The following KIAA0825 variants were observed in gnomAD, a reference collection of about 807,000 sequenced individuals.
KIAA0825 encodes the protein KIAA0825.
A neutral mutation model predicts 147.6 loss-of-function variants in KIAA0825; 119 were observed. The observed-to-expected ratio is 0.81, with a 90% CI of 0.69 to 0.94. The LOEUF is 0.94. KIAA0825 is among the 40% of genes least tolerant of loss of function. The pLI is 0.00. For missense variants in KIAA0825, 1,381 were observed against 1,472.7 expected (o/e 0.94, Z 1.02); for synonymous variants, 470 against 518.1 (o/e 0.91, Z 1.26).
intron 20 of KIAA0825, among the ~76,000 whole-genome samples, chr5:94,369,278 T>A (rs530474556): frequency 6.6e-6 from 1 of 152,302 alleles, no homozygotes; most frequent in East Asian, 1.9e-4. Context: ...GGCACAGATT[T>A]AGAGGTGGGC....
At chr5:94,290,903 A>G (rs1459119686) in intron 20 of KIAA0825, among the ~76,000 whole-genome samples, 1 of 151,770 alleles carries the variant, frequency 6.6e-6, no homozygotes, top group Non-Finnish European at 1.5e-5. Context: ...GCTTTTTTTC[A>G]TATGTTTCTT....
chr5:94,576,240 C>T (rs1781011245), intron 2 of KIAA0825, among the ~76,000 whole-genome samples: 1 of 152,084 alleles, frequency 6.6e-6, no homozygotes, highest in Non-Finnish European at 1.5e-5. Flanking sequence ...AGAGAATCAA[C>T]ATTTATAGCA....
At chr5:94,415,228 G>C (rs1439564554) in intron 15 of KIAA0825, 1 of 152,188 alleles carries the variant, frequency 6.6e-6, no homozygotes, top group African/African-American at 2.4e-5. Flanking sequence ...ATCATAGACA[G>C]TGATTTAGCA....
intron 2 of KIAA0825, among the ~76,000 whole-genome samples, chr5:94,572,689 G>A (rs1780204699): frequency 6.6e-6 from 1 of 151,898 alleles, no homozygotes; most frequent in Non-Finnish European, 1.5e-5. Flanking sequence ...CATAATACAG[G>A]ATATTTTTGA....
intron 20 of KIAA0825, among the ~76,000 whole-genome samples, chr5:94,179,991 C>T (rs1011420703): frequency 3.3e-5 from 5 of 151,952 alleles, no homozygotes; most frequent in Non-Finnish European, 7.4e-5. Flanking sequence ...AATTGCCACA[C>T]AATGGATGCA....
chr5:94,187,674 C>A (rs566950904), intron 20 of KIAA0825, among the ~76,000 whole-genome samples: 1 of 152,018 alleles, frequency 6.6e-6, no homozygotes, highest in Non-Finnish European at 1.5e-5. Flanking sequence ...ATCCGCCCAC[C>A]TCGGCCTCCC....
intron 1 of KIAA0825, among the ~76,000 whole-genome samples, chr5:94,604,120 T>C (rs1787035634): frequency 6.6e-6 from 1 of 152,178 alleles, no homozygotes; most frequent in Admixed American, 6.5e-5. Context: ...CACAACAGAA[T>C]CATACATTCT....
At chr5:94,515,151 T>C (rs1173168793) in intron 5 of KIAA0825, among the ~76,000 whole-genome samples, 1 of 152,226 alleles carries the variant, frequency 6.6e-6, no homozygotes, top group Admixed American at 6.5e-5. Flanking sequence ...ATTTATTATA[T>C]GTAAATAATC....
intron 20 of KIAA0825, among the ~76,000 whole-genome samples, chr5:94,176,543 A>G (rs1583755354): frequency 6.6e-6 from 1 of 152,140 alleles, no homozygotes; most frequent in Non-Finnish European, 1.5e-5. Flanking sequence ...AAAGTCAGTC[A>G]TTATAAACAA....
intron 2 of KIAA0825, among the ~76,000 whole-genome samples, chr5:94,555,892 G>T (rs1360131865): frequency 6.6e-6 from 1 of 152,106 alleles, no homozygotes; most frequent in Non-Finnish European, 1.5e-5. Context: ...CAGATCATGA[G>T]ATTAATGATA....
intron 5 of KIAA0825, among the ~76,000 whole-genome samples, chr5:94,491,497 G>A (rs563355094): frequency 3.5e-4 from 54 of 152,230 alleles, no homozygotes; most frequent in Non-Finnish European, 2.9e-5. Flanking sequence ...TCGGTTCCAT[G>A]GAGCCACAGC....
intron 5 of KIAA0825, chr5:94,519,943 G>T: frequency 1.1e-6 from 1 of 891,216 alleles, no homozygotes; most frequent in Non-Finnish European, 1.4e-6. Context: ...TTATATATAT[G>T]TGTGTATACA....
At chr5:94,432,049 G>T (rs897304642) in intron 14 of KIAA0825, among the ~76,000 whole-genome samples, 1 of 152,216 alleles carries the variant, frequency 6.6e-6, no homozygotes, top group African/African-American at 2.4e-5. Flanking sequence ...TGACCACTGT[G>T]AATGTCCTGA....
intron 20 of KIAA0825, among the ~76,000 whole-genome samples, chr5:94,208,373 A>T (rs1024111312): frequency 6.6e-6 from 1 of 152,224 alleles, no homozygotes; most frequent in Admixed American, 6.5e-5. Context: ...GTTTGAATTA[A>T]CTAACATCTA....
chr5:94,373,235 G>A (rs1360309191), intron 20 of KIAA0825, among the ~76,000 whole-genome samples: 1 of 152,038 alleles, frequency 6.6e-6, no homozygotes, highest in African/African-American at 2.4e-5. Context: ...CTGTTCCAAC[G>A]TCTGCCTGTT....
chr5:94,328,757 G>GA (rs569872057), intron 20 of KIAA0825, among the ~76,000 whole-genome samples: 152 of 146,352 alleles, frequency 1.0e-3, no homozygotes, highest in Non-Finnish European at 1.5e-3. Context: ...ATGAGAGCTA[G>GA]AAAAAAAAAA....
chr5:94,200,967 A>G (rs990548434), intron 20 of KIAA0825, among the ~76,000 whole-genome samples: 2 of 143,828 alleles, frequency 1.4e-5, no homozygotes. Context: ...ATATATATAT[A>G]TATATATATA....
chr5:94,186,339 A>G lies in KIAA0825; in HGVS notation c.3711-32215T>C, dbSNP rs10039118. 7.1e-3 allele frequency among the ~76,000 whole-genome samples: 1,074 copies of G among 152,288 alleles called. 13 individuals are homozygous for G. Among genetic ancestry groups the G allele is most frequent in the African/African-American group, 0.025 (1,034 of 41,556 alleles). Reference sequence around the variant, plus strand: ...CATAAATTTATATAGGATAGTATAGATGATTTTGATTATTGGTGTACAAAT... The same window carrying G: ...CATAAATTTATATAGGATAGTATAGGTGATTTTGATTATTGGTGTACAAAT... On this transcript the variant is annotated intron_variant, in intron 20 of 20. Transcript: ENST00000682413.
At chr5:94,555,322 T>C (rs1776343663) in intron 2 of KIAA0825, among the ~76,000 whole-genome samples, 2 of 152,188 alleles carry the variant, frequency 1.3e-5, no homozygotes, top group Admixed American at 1.3e-4. Flanking sequence ...AAGAACTTGT[T>C]ATTCCATTCA....
Sources: allele counts gnomAD v4.1 joint callset (sites outside exome capture counted in the v4.1 genomes callset), GRCh38; gene constraint gnomAD v4.1.1; transcripts MANE v1.5; gene names NCBI Gene and HGNC (gene_info 2026-07-23, HGNC 2026-07-21).